Variants in PBLD observed in about 807,000 individuals in gnomAD.
The protein encoded by PBLD is phenazine biosynthesis-like domain-containing protein.
PBLD carries 26 observed loss-of-function variants against 31.3 expected under a neutral mutation model. That is an observed-to-expected ratio of 0.83 (90% CI 0.61 to 1.15). The LOEUF is 1.15. Ranked by LOEUF, PBLD falls within the 50% of genes most tolerant of loss-of-function variation. The pLI is 0.00. For missense variants in PBLD, 307 were observed against 351.7 expected (o/e 0.87, Z 1.02); for synonymous variants, 114 against 129.0 (o/e 0.88, Z 0.79).
Position 68,306,743 on chromosome 10 carries a change from T to C in PBLD, c.84+18A>G, listed in dbSNP as rs775647644. On this transcript the variant is annotated intron_variant, in intron 2 of 9. Transcript: ENST00000358769. ...AATCTAGAATTTCAGGTACTGTAAT[T>C]CAAAACCAAGCACTTACATTTTCTA... The C allele has an allele frequency of 1.2e-6, 2 of 1,606,568 alleles. No homozygotes were observed. The highest frequency in any genetic ancestry group is 1.7e-4 in the Middle Eastern group (1 of 6,040).
intron 1 of PBLD, among the ~76,000 whole-genome samples, chr10:68,314,987 G>A (rs1305978748): frequency 6.6e-6 from 1 of 151,798 alleles, no homozygotes; most frequent in African/African-American, 2.4e-5. Flanking sequence ...ACGGGGTTTC[G>A]CCATGTTGGT....
rs773037139 is a variant in PBLD, at chr10:68,292,181, C to A, written c.341G>T (p.Arg114Leu). 2 of 1,613,692 alleles carry A rather than the reference C, an allele frequency of 1.2e-6. No homozygotes were observed. Among genetic ancestry groups the A allele is most frequent in the East Asian group, 4.5e-5 (2 of 44,894 alleles). ...GTCCAGGACGATGCCATCCTCTGCT[C>A]GTCTGGCCCTTAGTTCTCCACTCAG... is the stretch of plus-strand genomic sequence containing the variant. ...VTLSGELRAR[R>L]AEDGIVLDLP... The change falls in exon 5 of 10, where the codon CGA becomes CTA. Residue 114 changes from arginine (R) to leucine (L), a missense_variant. Arg to Leu is a moderately radical substitution (Grantham distance 102). Coordinates refer to ENST00000358769, the MANE Select transcript of PBLD (RefSeq NM_022129.4).
intron 1 of PBLD, among the ~76,000 whole-genome samples, chr10:68,323,975 C>T (rs934320399): frequency 6.6e-6 from 1 of 152,168 alleles, no homozygotes; most frequent in Non-Finnish European, 1.5e-5. Context: ...CACATTCACT[C>T]GGACAGTACA....
chr10:68,330,770 G>C (rs1211275924), intron 1 of PBLD, among the ~76,000 whole-genome samples: 2 of 150,622 alleles, frequency 1.3e-5, no homozygotes, highest in Admixed American at 1.3e-4. Flanking sequence ...TTTTAGTAGA[G>C]ACAGGGTTTC....
intron 2 of PBLD, among the ~76,000 whole-genome samples, chr10:68,299,619 G>A (rs759784291): frequency 2.6e-5 from 4 of 152,032 alleles, no homozygotes; most frequent in African/African-American, 9.7e-5. Flanking sequence ...ACTTTAGGAG[G>A]GCGAGGCGGG....
intron 1 of PBLD, among the ~76,000 whole-genome samples, chr10:68,309,812 A>AC (rs1469275645): frequency 7.3e-6 from 1 of 136,684 alleles, no homozygotes; most frequent in Non-Finnish European, 1.7e-5. Flanking sequence ...TCTCAAAAAA[A>AC]AAAAAAAAAA....
intron 8 of PBLD, among the ~76,000 whole-genome samples, chr10:68,286,085 C>CTTTT (rs71009034): frequency 0.024 from 2,442 of 103,400 alleles, 230 homozygotes; most frequent in Middle Eastern, 0.094. Context: ...TTGAATAATT[C>CTTTT]TTTTTTTTTT....
chr10:68,296,464 G>C, intron 3 of PBLD, 100 bp from the exon 4 acceptor site: 1 of 820,296 alleles, frequency 1.2e-6, no homozygotes, highest in South Asian at 1.7e-5. Flanking sequence ...CTAGCATGAT[G>C]AGTAGCCAAA....
At chr10:68,305,750 C>T (rs976500675) in intron 2 of PBLD, among the ~76,000 whole-genome samples, 3 of 151,934 alleles carry the variant, frequency 2.0e-5, no homozygotes, top group Non-Finnish European at 2.9e-5. Flanking sequence ...AGCGGAACTC[C>T]GTCTCAAAAA....
At chr10:68,323,801 T>C (rs1589675325) in intron 1 of PBLD, among the ~76,000 whole-genome samples, 1 of 152,226 alleles carries the variant, frequency 6.6e-6, no homozygotes, top group African/African-American at 2.4e-5. Context: ...AGTTATATTC[T>C]TCACTGTAAA....
intron 1 of PBLD, among the ~76,000 whole-genome samples, chr10:68,315,835 A>G (rs978587631): frequency 6.6e-6 from 1 of 152,188 alleles, no homozygotes; most frequent in Non-Finnish European, 1.5e-5. Flanking sequence ...ATCAGCAAAG[A>G]CTGAGAGACA....
At chr10:68,304,800 T>C (rs1046766283) in intron 2 of PBLD, among the ~76,000 whole-genome samples, 2 of 152,208 alleles carry the variant, frequency 1.3e-5, no homozygotes, top group Non-Finnish European at 1.5e-5. Flanking sequence ...TTATAGTCAA[T>C]TCCACAATTC....
At chr10:68,319,105 A>AAG (rs1423307356) in intron 1 of PBLD, among the ~76,000 whole-genome samples, 21 of 135,894 alleles carry the variant, frequency 1.5e-4, no homozygotes, top group African/African-American at 6.0e-4. Context: ...GAAAGAAAGA[A>AAG]AGAAAGGAAA....
intron 9 of PBLD, 57 bp from the exon 10 acceptor site, chr10:68,284,346 G>T: frequency 7.0e-7 from 1 of 1,422,040 alleles, no homozygotes; most frequent in Non-Finnish European, 9.9e-7. Context: ...AATTAACAAA[G>T]CATAGTGAAA....
chr10:68,288,424 CTA>C, intron 8 of PBLD, 57 bp downstream of exon 8: 1 of 1,559,900 alleles, frequency 6.4e-7, no homozygotes, highest in South Asian at 1.2e-5. Context: ...ACTTAAATAA[CTA>C]TTTGTGATCC....
intron 1 of PBLD, among the ~76,000 whole-genome samples, chr10:68,313,012 C>A (rs2044691509): frequency 6.6e-6 from 1 of 151,924 alleles, no homozygotes; most frequent in Non-Finnish European, 1.5e-5. Context: ...CCTCCCCAGG[C>A]TCAGGTGATT....
At chr10:68,328,463 G>T (rs1428780068) in intron 1 of PBLD, among the ~76,000 whole-genome samples, 1 of 151,986 alleles carries the variant, frequency 6.6e-6, no homozygotes, top group Admixed American at 6.6e-5. Context: ...ACATGATCAC[G>T]TGTTTGTTGT....
In PBLD at chr10:68,288,667, T is replaced by C. The variant is rs2044318310; in HGVS notation, c.513-6A>G. 1 of 1,613,286 alleles carries C rather than the reference T, an allele frequency of 6.2e-7. No individual in the cohort carries two copies. The highest frequency in any genetic ancestry group is 8.5e-7 in the Non-Finnish European group (1 of 1,179,688). Reference sequence around the variant, plus strand: ...TCAGGTTCTCCAGAAACGACCTTGTTCATAAACAAGATGGATTAGGACAAA... The same window carrying C: ...TCAGGTTCTCCAGAAACGACCTTGTCCATAAACAAGATGGATTAGGACAAA... On this transcript the variant is annotated splice_polypyrimidine_tract_variant and splice_region_variant and intron_variant, in intron 7 of 9. Coordinates refer to ENST00000358769, the MANE Select transcript of PBLD (RefSeq NM_022129.4).
intron 1 of PBLD, among the ~76,000 whole-genome samples, chr10:68,327,047 AAAC>A (rs1400288989): frequency 3.3e-5 from 5 of 152,148 alleles, no homozygotes; most frequent in Admixed American, 6.5e-5. Context: ...CTCCACTACA[AAAC>A]AACAACAACA....
Sources: gnomAD v4.1 joint callset for allele counts (sites outside exome capture counted in the v4.1 genomes callset) on GRCh38, gnomAD v4.1.1 for gene constraint, MANE v1.5 for transcripts, NCBI Gene and HGNC (gene_info 2026-07-23, HGNC 2026-07-21) for gene names.